Variants in SMARCA2 observed in about 807,000 individuals in gnomAD.
SMARCA2 encodes SWI/SNF related BAF chromatin remodeling complex subunit ATPase 2.
In SMARCA2, 61 loss-of-function variants were observed where a neutral mutation model predicts 199.8. The ratio of observed to expected loss-of-function variants is 0.31; its 90% CI spans 0.25 to 0.38. The LOEUF (loss-of-function observed/expected upper bound fraction) is 0.38, where lower values mean the gene tolerates loss of function less well. Ranked by LOEUF, SMARCA2 falls within the 10% of genes least tolerant of loss-of-function variation. The probability of loss-of-function intolerance (pLI) is 1.00; values close to 1 mark genes in which losing one functional copy is unlikely to be tolerated. For missense variants in SMARCA2, 1,344 were observed against 2,012.2 expected, an observed-to-expected ratio of 0.67 and a Z score of 6.35; for synonymous variants, 935 against 732.0, an observed-to-expected ratio of 1.28 and a Z score of -4.48.
intron 32 of SMARCA2, among the ~76,000 whole-genome samples, chr9:2,188,029 ACCT>A (rs1401764297): frequency 2.6e-5 from 4 of 152,164 alleles, no homozygotes; most frequent in Non-Finnish European, 5.9e-5. Flanking sequence ...ACGTTTTTTT[ACCT>A]TTTCAAATAT....
chr9:2,077,640 A>T lies in SMARCA2; in HGVS notation c.2048A>T (p.Gln683Leu). Residue 683 changes from glutamine to leucine, a missense_variant, in exon 14 of 34, where the codon CAA becomes CTA. Coordinates refer to ENST00000349721, the MANE Select transcript of SMARCA2 (RefSeq NM_003070.5). ...TTTTCCTTTCCCAGGACAGCTAAGCAAGACGTGGATGATGAATACAGCATG... is the reference window on the plus strand; with the variant it reads ...TTTTCCTTTCCCAGGACAGCTAAGCTAGACGTGGATGATGAATACAGCATG... ...DAKQIIETAK[Q>L]DVDDEYSMQY... is the part of the protein sequence containing the mutation. The T allele has an allele frequency of 6.2e-7, 1 of 1,613,824 alleles. No homozygotes were observed. Among genetic ancestry groups the T allele is most frequent in the Non-Finnish European group, 8.5e-7 (1 of 1,179,732 alleles).
chr9:2,179,919 G>C (rs1246349885), intron 29 of SMARCA2, among the ~76,000 whole-genome samples: 1 of 152,178 alleles, frequency 6.6e-6, no homozygotes, highest in African/African-American at 2.4e-5. Context: ...CATTTCATAG[G>C]CACCTTTTCA....
At chr9:2,120,934 G>C (rs1586726413) in intron 26 of SMARCA2, among the ~76,000 whole-genome samples, 1 of 152,270 alleles carries the variant, frequency 6.6e-6, no homozygotes, top group Non-Finnish European at 1.5e-5. Context: ...TCTATTTAGG[G>C]AGGTTAAAGA....
At chr9:2,129,236 G>A (rs1240889109) in intron 27 of SMARCA2, among the ~76,000 whole-genome samples, 1 of 152,122 alleles carries the variant, frequency 6.6e-6, no homozygotes, top group Non-Finnish European at 1.5e-5. Flanking sequence ...GGCTAACACG[G>A]TGAAACCCCA....
At chr9:2,026,565 T>G (rs1355731010) in intron 1 of SMARCA2, among the ~76,000 whole-genome samples, 1 of 152,254 alleles carries the variant, frequency 6.6e-6, no homozygotes, top group Non-Finnish European at 1.5e-5. Flanking sequence ...ATGTTTAATA[T>G]ACATCAATTA....
rs1310901159 is a variant in SMARCA2 at position 2,192,890 on chromosome 9, T to A, written c.*151T>A. 1 of 645,112 alleles carries A rather than the reference T, an allele frequency of 1.6e-6. No homozygotes were observed. Among genetic ancestry groups the A allele is most frequent in the Admixed American group, 2.7e-5 (1 of 36,394 alleles). 40.0% of individuals were successfully genotyped at this position (645,112 alleles called of 1,614,324 possible). ...TTTAGGATAGTGCCAGACAAACATA[T>A]GATATCATGGTGTAAAAAACACACA... On this transcript the variant is annotated 3_prime_UTR_variant, in exon 34 of 34. Coordinates refer to ENST00000349721, the MANE Select transcript of SMARCA2 (RefSeq NM_003070.5).
At chr9:2,108,043 A>T (rs1379394697) in intron 23 of SMARCA2, among the ~76,000 whole-genome samples, 4 of 152,196 alleles carry the variant, frequency 2.6e-5, no homozygotes, top group Non-Finnish European at 5.9e-5. Flanking sequence ...GGTTCGTTCT[A>T]CACAGGCATA....
chr9:2,065,491 T>A (rs1398920164), intron 9 of SMARCA2, among the ~76,000 whole-genome samples: 1 of 152,194 alleles, frequency 6.6e-6, no homozygotes, highest in Non-Finnish European at 1.5e-5. Context: ...TATAAGTAAA[T>A]CTCAGGACTG....
At position 2,161,936 on chromosome 9, in the gene SMARCA2, C is replaced by T. The variant is rs759706713; in HGVS notation, c.4199+33C>T. ...TTTGGTTCCTTCACCTTGATCATCT[C>T]TCACCAAGACGCCGAGTGGCGCTCC... is the stretch of plus-strand genomic sequence containing the variant. On this transcript the variant is annotated intron_variant, in intron 28 of 33. Transcript: ENST00000349721. The surrounding 1 kb of genome is among the most constrained non-coding windows in gnomAD (Gnocchi z 4.7). 1 of 1,570,244 alleles carries T rather than the reference C, an allele frequency of 6.4e-7. No homozygotes were observed. Among genetic ancestry groups the T allele is most frequent in the Non-Finnish European group, 8.7e-7 (1 of 1,142,998 alleles).
At chr9:2,105,278 C>T (rs189909431) in intron 23 of SMARCA2, among the ~76,000 whole-genome samples, 1 of 151,966 alleles carries the variant, frequency 6.6e-6, no homozygotes, top group East Asian at 1.9e-4. Context: ...CAGAGTCTCA[C>T]TCTGTCACCC....
At chr9:2,085,127 A>G (rs1057303493) in intron 17 of SMARCA2, among the ~76,000 whole-genome samples, 4 of 152,228 alleles carry the variant, frequency 2.6e-5, no homozygotes, top group Non-Finnish European at 5.9e-5. Flanking sequence ...AATAACAAAA[A>G]GGAAATGTGT....
chr9:2,191,562 G>T (rs536120100), intron 33 of SMARCA2, 154 bp downstream of exon 33: 72 of 796,766 alleles, frequency 9.0e-5, no homozygotes, highest in Non-Finnish European at 1.3e-4. Flanking sequence ...GATGTGAACG[G>T]AGCTGTATGA....
In SMARCA2 at chr9:2,186,164, A is replaced by G; in HGVS notation, c.4530A>G (p.Glu1510=). ...CCCGGCAGAAAATTGCCAAAGAGGA[A>G]GAGAGTGAGGATGAAAGCAATGAAG... ...KSARQKIAKE[E]ESEDESNEEE... Residue 1510 remains glutamate, a synonymous_variant, in exon 32 of 34, where the codon GAA becomes GAG. Transcript: ENST00000349721. The G allele has an allele frequency of 6.2e-7, 1 of 1,614,044 alleles. No homozygotes were observed. Among genetic ancestry groups the G allele is most frequent in the Non-Finnish European group, 8.5e-7 (1 of 1,179,904 alleles).
chr9:2,151,498 G>C (rs530481695), intron 27 of SMARCA2, among the ~76,000 whole-genome samples: 5 of 144,896 alleles, frequency 3.5e-5, no homozygotes, highest in African/African-American at 1.2e-4. Flanking sequence ...TTGGGAGGAT[G>C]AGGCAGGTGG....
At chr9:2,154,148 G>A (rs1348603711) in intron 27 of SMARCA2, among the ~76,000 whole-genome samples, 1 of 152,184 alleles carries the variant, frequency 6.6e-6, no homozygotes, top group East Asian at 1.9e-4. Flanking sequence ...TCTGCAAAAT[G>A]CAGAGAGTAA....
intron 28 of SMARCA2, chr9:2,162,783 A>AGG (rs1428319559): frequency 1.3e-5 from 2 of 152,160 alleles, no homozygotes; most frequent in African/African-American, 4.8e-5. Context: ...TCATTCCTGG[A>AGG]GGTACTGCAG....
intron 1 of SMARCA2, among the ~76,000 whole-genome samples, chr9:2,020,255 T>C (rs141483793): frequency 7.0e-4 from 107 of 152,204 alleles, no homozygotes; most frequent in African/African-American, 2.5e-3. Context: ...ATCTTCTAAA[T>C]TGTTTTTTTT....
intron 29 of SMARCA2, among the ~76,000 whole-genome samples, chr9:2,176,313 ATTTAT>A (rs1405975690): frequency 2.7e-5 from 4 of 147,332 alleles, no homozygotes; most frequent in South Asian, 4.3e-4. Flanking sequence ...GCTTTGAATT[ATTTAT>A]TTTAAGTAAT....
intron 32 of SMARCA2, 121 bp from the exon 33 acceptor site, chr9:2,191,145 G>T (rs1827850528): frequency 2.1e-6 from 2 of 951,966 alleles, no homozygotes; most frequent in Non-Finnish European, 3.3e-6. Context: ...GCATAAACCG[G>T]GAATGTTCTG....
Sources: gnomAD v4.1 joint callset for allele counts (sites outside exome capture counted in the v4.1 genomes callset) on GRCh38, gnomAD v4.1.1 for gene constraint, Gnocchi (gnomAD v3.1) non-coding constraint, MANE v1.5 for transcripts, NCBI Gene and HGNC (gene_info 2026-07-23, HGNC 2026-07-21) for gene names.